ARL6IP5: variants seen among roughly 807,000 people sequenced by gnomAD.
The protein encoded by ARL6IP5 is ARF like GTPase 6 interacting protein 5.
A neutral mutation model predicts 13.0 loss-of-function variants in ARL6IP5; 6 were observed. The ratio of observed to expected loss-of-function variants is 0.46; its 90% CI spans 0.25 to 0.91. The LOEUF (loss-of-function observed/expected upper bound fraction) is 0.91. Among genes scored for constraint, ARL6IP5 ranks in the 40% least tolerant of loss-of-function variants. ARL6IP5 has a pLI of 0.17. For missense variants in ARL6IP5, 208 were observed against 248.8 expected (o/e 0.84, Z 1.10); for synonymous variants, 91 against 91.9 (o/e 0.99, Z 0.06).
Position 69,105,392 on chromosome 3 carries a change from G to C in ARL6IP5, c.*756G>C, listed in dbSNP as rs917299516. The C allele has an allele frequency of 6.6e-6, 1 of 152,200 alleles. No homozygotes were observed. The highest frequency in any genetic ancestry group is 2.4e-5 in the African/African-American group (1 of 41,420). The allele number at this position is 152,200 out of a possible 1,614,324, so 9.4% of individuals were successfully genotyped here. A position where few individuals can be genotyped will look rare whatever the true frequency, so the allele number is the denominator to read the frequency against. The stretch of plus-strand genomic sequence containing the variant: ...ACAGACAAAAAATAAAACAAAACTT[G>C]AGTTCTATTTACCTTGCACATTTTT... On this transcript the variant is annotated 3_prime_UTR_variant, in exon 3 of 3. Coordinates refer to ENST00000273258, the MANE Select transcript of ARL6IP5 (RefSeq NM_006407.4).
At chr3:69,090,168 G>A (rs755536665) in intron 1 of ARL6IP5, among the ~76,000 whole-genome samples, 25 of 152,194 alleles carry the variant, frequency 1.6e-4, no homozygotes, top group Admixed American at 3.3e-4. Flanking sequence ...GAAAAAAAGC[G>A]TAAGGCAACC....
intron 1 of ARL6IP5, among the ~76,000 whole-genome samples, chr3:69,100,470 G>C (rs1008509322): frequency 6.6e-5 from 10 of 152,096 alleles, no homozygotes; most frequent in African/African-American, 1.7e-4. Context: ...AGCGATTCAG[G>C]CCAGCTATTA....
At chr3:69,085,664 G>A (rs2092245514) in intron 1 of ARL6IP5, among the ~76,000 whole-genome samples, 1 of 152,164 alleles carries the variant, frequency 6.6e-6, no homozygotes, top group Admixed American at 6.5e-5. Flanking sequence ...TGTAAAAAGG[G>A]CAACCAAGTG....
At chr3:69,096,317 G>T (rs1415778996) in intron 1 of ARL6IP5, among the ~76,000 whole-genome samples, 1 of 152,012 alleles carries the variant, frequency 6.6e-6, no homozygotes, top group Non-Finnish European at 1.5e-5. Flanking sequence ...GTTAGGCCTG[G>T]ATTTTTCATT....
rs377650671 is a variant in ARL6IP5, at chr3:69,104,493, C to T, written c.424C>T (p.Arg142Trp). 3 of 1,613,722 alleles carry T rather than the reference C, an allele frequency of 1.9e-6. No individual in the cohort carries two copies. Among genetic ancestry groups the T allele is most frequent in the African/African-American group, 1.3e-5 (1 of 74,906 alleles). Residue 142 changes from arginine (R) to tryptophan (W), a missense_variant, in exon 3 of 3, where the codon CGG (arginine) becomes TGG (tryptophan). By Grantham distance (101) the Arg-to-Trp change is moderately radical. Transcript: ENST00000273258. ...GTTTATCCATGCATCGTTGAGACTT[C>T]GGAACCTCAAGAACAAACTGGAGAA... ...LMFIHASLRLRNLKNKLENKM... is the reference protein window; with the variant it reads ...LMFIHASLRLWNLKNKLENKM...
rs1272986599 is a variant in ARL6IP5, at chr3:69,104,653, C to T, written c.*17C>T. On this transcript the variant is annotated 3_prime_UTR_variant, in exon 3 of 3. Transcript: ENST00000273258. ...AAGGAATAAACATAACTTACCTGAGCTAGGGTTGCAGCAGAAATTGAGTTG... is the reference window on the plus strand; with the variant it reads ...AAGGAATAAACATAACTTACCTGAGTTAGGGTTGCAGCAGAAATTGAGTTG... 1 of 1,608,030 alleles carries T rather than the reference C, an allele frequency of 6.2e-7. No homozygotes were observed.
At chr3:69,096,597 C>CTTTTTTTTTTTTTTTTTT (rs11291168) in intron 1 of ARL6IP5, among the ~76,000 whole-genome samples, 2 of 69,556 alleles carry the variant, frequency 2.9e-5, no homozygotes, top group Non-Finnish European at 5.1e-5. Context: ...TTTTGCTTTG[C>CTTTTTTTTTTTTTTTTTT]TTTTTTTTTT....
At position 69,104,483 on chromosome 3, in the gene ARL6IP5, G is replaced by C. The variant is rs142221565; in HGVS notation, c.414G>C (p.Ser138=). The part of the protein sequence containing the change: ...FPLLLMFIHA[S]LRLRNLKNKL... ...CTGCAGTGATGTTTATCCATGCATC[G>C]TTGAGACTTCGGAACCTCAAGAACA... The change falls in exon 3 of 3, where the codon TCG becomes TCC. Residue 138 remains serine (S), a synonymous_variant. Transcript: ENST00000273258. 2.5e-6 allele frequency: 4 copies of C among 1,613,832 alleles called. No homozygotes were observed. In the East Asian group the frequency reaches 6.7e-5, roughly 27 times the overall value.
chr3:69,090,387 T>G (rs1380166715), intron 1 of ARL6IP5, among the ~76,000 whole-genome samples: 1 of 152,176 alleles, frequency 6.6e-6, no homozygotes, highest in African/African-American at 2.4e-5. Flanking sequence ...TAGGAGATAG[T>G]GAAGAATAGG....
chr3:69,102,823 C>T (rs551300456), intron 2 of ARL6IP5, among the ~76,000 whole-genome samples: 30 of 152,278 alleles, frequency 2.0e-4, no homozygotes, highest in African/African-American at 7.0e-4. Context: ...GAATAATTGG[C>T]TCAGAATATA....
intron 1 of ARL6IP5, among the ~76,000 whole-genome samples, chr3:69,091,391 C>A (rs1314227080): frequency 6.6e-6 from 1 of 152,000 alleles, no homozygotes; most frequent in Admixed American, 6.6e-5. Context: ...CCTCCCTGGG[C>A]TCAGGTGATC....
chr3:69,102,124 C>T (rs1267622748), intron 2 of ARL6IP5, 68 bp downstream of exon 2: 8 of 1,526,060 alleles, frequency 5.2e-6, no homozygotes, highest in Non-Finnish European at 5.4e-6. Flanking sequence ...ACGGGAATTC[C>T]ATAACCCATT....
intron 1 of ARL6IP5, among the ~76,000 whole-genome samples, chr3:69,093,234 G>A (rs1044186445): frequency 6.6e-5 from 10 of 152,300 alleles, no homozygotes; most frequent in African/African-American, 2.4e-4. Context: ...TGGTTGGTTT[G>A]GATGCGAGTG....
rs751933737 is a variant in ARL6IP5, at chr3:69,104,634, T to TA, written c.*1dup. The change falls in exon 3 of 3, where the codon TAA becomes TAAA. Residue 189 remains the stop codon, a frameshift_variant and stop_retained_variant. Transcript: ENST00000273258. LOFTEE classifies it high-confidence loss of function. ...LTDYISKVKE[*] is the part of the protein sequence containing the mutation. ...TGACTATATCAGCAAAGTGAAGGAA[T>TA]AAACATAACTTACCTGAGCTAGGGT... The TA allele has an allele frequency of 1.2e-6, 2 of 1,612,996 alleles. No homozygotes were observed. Among genetic ancestry groups the TA allele is most frequent in the Non-Finnish European group, 1.7e-6 (2 of 1,179,480 alleles).
chr3:69,098,134 T>A lies in ARL6IP5; in HGVS notation c.177-3705T>A, dbSNP rs2092292949. On this transcript the variant is annotated intron_variant, in intron 1 of 2. Coordinates refer to ENST00000273258, the MANE Select transcript of ARL6IP5 (RefSeq NM_006407.4). ...CTCTGTCACCCAGGCTGGAGTGCAGTGGCGCAATCTCGGCTCACTGCACCC... is the reference window on the plus strand; with the variant it reads ...CTCTGTCACCCAGGCTGGAGTGCAGAGGCGCAATCTCGGCTCACTGCACCC... Among the ~76,000 whole-genome samples, 3 of 151,750 alleles carry A rather than the reference T, an allele frequency of 2.0e-5. No homozygotes were observed. In the South Asian group the frequency reaches 6.3e-4, roughly 32 times the overall value.
chr3:69,084,979 A>G lies in ARL6IP5; in HGVS notation c.-69A>G, dbSNP rs569349303. 325 of 1,570,144 alleles carry G rather than the reference A, an allele frequency of 2.1e-4. No homozygotes were observed. In the African/African-American group the frequency reaches 4.1e-3, roughly 20 times the overall value. ...GGAGCCGCTGTCAACTCTCCAACTC[A>G]GCTCAGCTGATCGGTTGCCGCCGCC... On this transcript the variant is annotated 5_prime_UTR_variant, in exon 1 of 3. Coordinates refer to ENST00000273258, the MANE Select transcript of ARL6IP5 (RefSeq NM_006407.4).
intron 1 of ARL6IP5, among the ~76,000 whole-genome samples, chr3:69,086,775 T>G (rs576520964): frequency 6.7e-6 from 1 of 148,328 alleles, no homozygotes; most frequent in African/African-American, 2.5e-5. Context: ...CAGGCTGGAG[T>G]GCAGTGGCGT....
Position 69,104,956 on chromosome 3 carries a change from C to T in ARL6IP5, c.*320C>T, listed in dbSNP as rs973564389. ...AATTACGGCTTTTACAGCAACAATA[C>T]GATTATCTTATAGGAAAAAAAAAAT... On this transcript the variant is annotated 3_prime_UTR_variant, in exon 3 of 3. Transcript: ENST00000273258. The T allele has an allele frequency of 2.2e-5, 15 of 678,324 alleles. No homozygotes were observed. The highest frequency in any genetic ancestry group is 4.0e-5 in the Non-Finnish European group (15 of 377,666). 42.0% of individuals were successfully genotyped at this position (678,324 alleles called of 1,614,324 possible). A position where few individuals can be genotyped will look rare whatever the true frequency, so the allele number is the denominator to read the frequency against.
chr3:69,098,724 T>C (rs993080531), intron 1 of ARL6IP5, among the ~76,000 whole-genome samples: 2 of 152,154 alleles, frequency 1.3e-5, no homozygotes, highest in Non-Finnish European at 2.9e-5. Flanking sequence ...ATCTAACTTA[T>C]ATGATAAATC....
Sources: allele counts gnomAD v4.1 joint callset (sites outside exome capture counted in the v4.1 genomes callset), GRCh38; gene constraint gnomAD v4.1.1; transcripts MANE v1.5; gene names NCBI Gene and HGNC (gene_info 2026-07-23, HGNC 2026-07-21).